Variants in DOCK3 observed in about 807,000 individuals in gnomAD.
The protein encoded by DOCK3 is dedicator of cytokinesis protein 3.
Under a neutral mutation model 265.6 loss-of-function variants are expected in DOCK3, and 60 were observed. The ratio of observed to expected loss-of-function variants is 0.23; its 90% CI spans 0.18 to 0.28. The LOEUF (loss-of-function observed/expected upper bound fraction) is 0.28, where lower values mean the gene tolerates loss of function less well. Among genes scored for constraint, DOCK3 ranks in the 10% least tolerant of loss-of-function variants. The pLI is 1.00. For missense variants in DOCK3, 1,981 were observed against 2,594.3 expected, an observed-to-expected ratio of 0.76 and a Z score of 5.14; for synonymous variants, 881 against 938.0, an observed-to-expected ratio of 0.94 and a Z score of 1.11.
intron 5 of DOCK3, among the ~76,000 whole-genome samples, chr3:51,046,389 T>A (rs890362446): frequency 6.6e-6 from 1 of 152,072 alleles, no homozygotes; most frequent in Admixed American, 6.6e-5. Flanking sequence ...AGTGAAAGGA[T>A]GGAAAAAATA....
intron 31 of DOCK3, among the ~76,000 whole-genome samples, chr3:51,314,642 T>A (rs2083268024): frequency 6.6e-6 from 1 of 152,210 alleles, no homozygotes. Context: ...GAATAGACCA[T>A]CTGACACTCA....
chr3:51,137,449 T>C (rs994968301), intron 9 of DOCK3, among the ~76,000 whole-genome samples: 2 of 152,176 alleles, frequency 1.3e-5, no homozygotes, highest in African/African-American at 4.8e-5. Context: ...ACAGAGTCTT[T>C]AGGATGTACC....
chr3:51,163,713 T>C (rs2086246025), intron 12 of DOCK3, among the ~76,000 whole-genome samples: 1 of 152,144 alleles, frequency 6.6e-6, no homozygotes, highest in Non-Finnish European at 1.5e-5. Flanking sequence ...AGTTTTACAA[T>C]GAAAAATGTC....
At chr3:50,717,628 CT>C (rs1374045620) in intron 1 of DOCK3, among the ~76,000 whole-genome samples, 1 of 152,008 alleles carries the variant, frequency 6.6e-6, no homozygotes, top group Non-Finnish European at 1.5e-5. Context: ...TTTATGTTTC[CT>C]TTTTTTAAAT....
At chr3:51,060,662 A>G (rs1314751823) in intron 5 of DOCK3, among the ~76,000 whole-genome samples, 1 of 152,120 alleles carries the variant, frequency 6.6e-6, no homozygotes, top group African/African-American at 2.4e-5. Flanking sequence ...TCCTTTCCCC[A>G]TTTCTTGTTT....
intron 9 of DOCK3, among the ~76,000 whole-genome samples, chr3:51,110,243 T>C (rs1396994705): frequency 6.6e-6 from 1 of 152,012 alleles, no homozygotes; most frequent in African/African-American, 2.4e-5. Context: ...ATTCTACAGA[T>C]ATACAAAGAA....
intron 1 of DOCK3, among the ~76,000 whole-genome samples, chr3:50,754,095 G>T (rs1175064690): frequency 1.5e-5 from 2 of 131,894 alleles, no homozygotes; most frequent in Non-Finnish European, 3.1e-5. Flanking sequence ...GGCGGAGGTT[G>T]CAGTGAGCCA....
intron 2 of DOCK3, among the ~76,000 whole-genome samples, chr3:50,802,622 T>G (rs2043133130): frequency 6.6e-6 from 1 of 152,208 alleles, no homozygotes; most frequent in Non-Finnish European, 1.5e-5. Context: ...GCCTGTAAGT[T>G]TTCTCCTGAG....
Position 51,138,803 on chromosome 3 carries a change from G to A in DOCK3, c.747-7746G>A, listed in dbSNP as rs187493716. 2.8e-3 allele frequency among the ~76,000 whole-genome samples: 419 copies of A among 152,194 alleles called. 6 individuals carry two copies. Among genetic ancestry groups the A allele is most frequent in the African/African-American group, 9.1e-3 (378 of 41,522 alleles). ...GATAGATTCTCTTGAAAATCCCTTC[G>A]AAAGACATAAACTTCCTGAAACCTA... On this transcript the variant is annotated intron_variant, in intron 9 of 52. Coordinates refer to ENST00000266037, the MANE Select transcript of DOCK3 (RefSeq NM_004947.5).
intron 2 of DOCK3, among the ~76,000 whole-genome samples, chr3:50,814,357 C>A (rs1041879468): frequency 6.6e-6 from 1 of 152,106 alleles, no homozygotes; most frequent in Admixed American, 6.5e-5. Context: ...ACCTTTGCCT[C>A]CTAGGCTCAA....
At chr3:51,220,652 A>G (rs1421285846) in intron 14 of DOCK3, among the ~76,000 whole-genome samples, 7 of 30,314 alleles carry the variant, frequency 2.3e-4, no homozygotes, top group African/African-American at 8.0e-4. Flanking sequence ...GCAAGACTCC[A>G]TCTCAAAAAA....
chr3:50,702,268 A>G (rs1322186444), intron 1 of DOCK3, among the ~76,000 whole-genome samples: 1 of 152,120 alleles, frequency 6.6e-6, no homozygotes. Flanking sequence ...TTTTTGTCGT[A>G]GAGGTCTTTC....
rs1160558096 is a variant in DOCK3, at chr3:51,045,461, T to G, written c.316-18987T>G. Among the ~76,000 whole-genome samples, 4 of 152,262 alleles carry G rather than the reference T, an allele frequency of 2.6e-5. No homozygotes were observed. In the South Asian group the frequency reaches 8.3e-4, roughly 32 times the overall value. ...CAGACATAATAATAATGAAAACATT[T>G]GAAATATTGCAAGAATTACCAGAAT... On this transcript the variant is annotated intron_variant, in intron 5 of 52. Transcript: ENST00000266037.
chr3:51,137,041 T>G (rs891528280), intron 9 of DOCK3, among the ~76,000 whole-genome samples: 4 of 148,428 alleles, frequency 2.7e-5, no homozygotes, highest in Non-Finnish European at 6.0e-5. Context: ...ATAAATTAAT[T>G]AAAAAAAAAA....
intron 4 of DOCK3, among the ~76,000 whole-genome samples, chr3:50,922,142 T>C (rs1241609580): frequency 6.6e-6 from 1 of 152,200 alleles, no homozygotes; most frequent in Non-Finnish European, 1.5e-5. Flanking sequence ...CAGGTATGCC[T>C]TTCCCGCAGA....
At chr3:51,180,762 C>T (rs1464030979) in intron 12 of DOCK3, among the ~76,000 whole-genome samples, 1 of 152,190 alleles carries the variant, frequency 6.6e-6, no homozygotes, top group African/African-American at 2.4e-5. Context: ...TACCATTCAA[C>T]CCATTACAAC....
Position 51,359,773 on chromosome 3 carries a change from G to A in DOCK3, c.4885-738G>A, listed in dbSNP as rs1038464343. On this transcript the variant is annotated intron_variant, in intron 46 of 52. Coordinates refer to ENST00000266037, the MANE Select transcript of DOCK3 (RefSeq NM_004947.5). This position sits in a 1 kb window ranked among gnomAD's most constrained non-coding sequence, Gnocchi z 4.8. ...TTTGGAAGAAGCAGGTGGAAAACCC[G>A]GTGCTTCTTCACACCAAGCTCAGAA... 6.6e-5 allele frequency among the ~76,000 whole-genome samples: 10 copies of A among 152,156 alleles called. No homozygotes were observed. The highest frequency in any genetic ancestry group is 2.2e-4 in the African/African-American group (9 of 41,438).
intron 1 of DOCK3, among the ~76,000 whole-genome samples, chr3:50,737,133 T>G (rs1439963036): frequency 1.3e-5 from 2 of 152,120 alleles, no homozygotes; most frequent in African/African-American, 2.4e-5. Flanking sequence ...TTGCAAAAAT[T>G]TTTTCCCATT....
At chr3:51,030,099 C>G (rs2079987283) in intron 5 of DOCK3, among the ~76,000 whole-genome samples, 1 of 152,140 alleles carries the variant, frequency 6.6e-6, no homozygotes, top group Non-Finnish European at 1.5e-5. Flanking sequence ...GAGGTCAATG[C>G]CAGACAGACT....
Sources: gnomAD v4.1 joint callset for allele counts (sites outside exome capture counted in the v4.1 genomes callset) on GRCh38, gnomAD v4.1.1 for gene constraint, Gnocchi (gnomAD v3.1) non-coding constraint, MANE v1.5 for transcripts, NCBI Gene and HGNC (gene_info 2026-07-23, HGNC 2026-07-21) for gene names.